The following DCN variants were observed in gnomAD, a reference collection of about 807,000 sequenced individuals.
The protein encoded by DCN is bone proteoglycan II.
A neutral mutation model predicts 36.5 loss-of-function variants in DCN; 17 were observed. The observed-to-expected ratio is 0.47, with a 90% confidence interval of 0.32 to 0.70. The LOEUF (loss-of-function observed/expected upper bound fraction) is 0.70. Among genes scored for constraint, DCN ranks in the 30% least tolerant of loss-of-function variants. The pLI is 0.04. For missense variants in DCN, 389 were observed against 430.1 expected, an observed-to-expected ratio of 0.90 and a Z score of 0.84; for synonymous variants, 163 against 161.4, an observed-to-expected ratio of 1.01 and a Z score of -0.07.
At chr12:91,153,339 C>A in intron 5 of DCN, 150 bp from the exon 6 acceptor site, 1 of 647,658 alleles carries the variant, frequency 1.5e-6, no homozygotes, top group East Asian at 2.8e-5. Flanking sequence ...TTTTTCATCC[C>A]TTTTATAATA....
intron 7 of DCN, among the ~76,000 whole-genome samples, chr12:91,149,960 A>G (rs1409561770): frequency 6.6e-6 from 1 of 152,206 alleles, no homozygotes. Flanking sequence ...GGAAGGCTCA[A>G]TATTATTAAG....
At position 91,168,710 on chromosome 12, in the gene DCN, T is replaced by A. The variant is rs3138203; in HGVS notation, c.212-3993A>T. Among the ~76,000 whole-genome samples, 1,389 of 152,336 alleles carry A rather than the reference T, an allele frequency of 9.1e-3. 24 individuals are homozygous for A. Among genetic ancestry groups the A allele is most frequent in the African/African-American group, 0.032 (1,328 of 41,562 alleles). ...CTCAGAAGTATTAGGATACAACTGG[T>A]TATAATAATTATATTTTTTCCTGTT... is the stretch of plus-strand genomic sequence containing the variant. On this transcript the variant is annotated intron_variant, in intron 2 of 7. Transcript: ENST00000052754.
chr12:91,170,239 A>G (rs2121285477), intron 2 of DCN, among the ~76,000 whole-genome samples: 1 of 152,258 alleles, frequency 6.6e-6, no homozygotes, highest in South Asian at 2.1e-4. Context: ...GATTATTATT[A>G]ATAAGCAAAA....
chr12:91,164,756 G>C, intron 2 of DCN, 39 bp from the exon 3 acceptor site: 1 of 1,004,474 alleles, frequency 1.0e-6, no homozygotes, highest in Non-Finnish European at 1.6e-6. Flanking sequence ...TGAGTAGAAA[G>C]GACATGTGGC....
chr12:91,149,142 G>GA (rs150662094), intron 7 of DCN, among the ~76,000 whole-genome samples: 9,204 of 150,326 alleles, frequency 0.061, 942 homozygotes, highest in African/African-American at 0.21. Flanking sequence ...TTCATCATAA[G>GA]AAAAAAAAAT....
At position 91,142,772 on chromosome 12, in the gene DCN, C is replaced by A. The variant is rs534910644; in HGVS notation, c.*3286G>T. On this transcript the variant is annotated 3_prime_UTR_variant, in exon 8 of 8. Transcript: ENST00000052754. ...CTTTCCAACCAGGAGGGGTCAGAGA[C>A]AAATTTTTAAGTTTCCAACCTTTTA... 13 of 152,156 alleles carry A rather than the reference C, an allele frequency of 8.5e-5. No individual in the cohort carries two copies. Among genetic ancestry groups the A allele is most frequent in the African/African-American group, 2.6e-4 (11 of 41,524 alleles). 9.4% of individuals were successfully genotyped at this position (152,156 alleles called of 1,614,324 possible). A position where few individuals can be genotyped will look rare whatever the true frequency, so the allele number is the denominator to read the frequency against.
intron 3 of DCN, among the ~76,000 whole-genome samples, chr12:91,159,475 A>C (rs946340272): frequency 4.6e-5 from 7 of 151,906 alleles, no homozygotes; most frequent in Non-Finnish European, 7.4e-5. Flanking sequence ...AGATTGCTTG[A>C]TCACCAATAC....
At position 91,164,639 on chromosome 12, in the gene DCN, T is replaced by C; in HGVS notation, c.290A>G (p.Lys97Arg). The change falls in exon 3 of 8, where the codon AAA (lysine) becomes AGA (arginine). Residue 97 changes from lysine (K) to arginine (R), a missense_variant. Transcript: ENST00000052754. Reference sequence around the variant, plus strand: ...CTTCAGGTTCTTAAAGTCTCCATCTTTGATTTCGGTTATTTTGTTGTTTTG... The same window carrying C: ...CTTCAGGTTCTTAAAGTCTCCATCTCTGATTTCGGTTATTTTGTTGTTTTG... ...DLQNNKITEI[K>R]DGDFKNLKNL... The C allele has an allele frequency of 6.2e-7, 1 of 1,611,790 alleles. No individual in the cohort carries two copies. Among genetic ancestry groups the C allele is most frequent in the South Asian group, 1.1e-5 (1 of 91,030 alleles).
chr12:91,149,488 A>G (rs1384475754), intron 7 of DCN, among the ~76,000 whole-genome samples: 1 of 152,222 alleles, frequency 6.6e-6, no homozygotes, highest in Non-Finnish European at 1.5e-5. Context: ...TGTGGCTAAC[A>G]TCGTAACTAA....
intron 2 of DCN, among the ~76,000 whole-genome samples, chr12:91,169,404 A>T (rs1882799186): frequency 6.7e-6 from 1 of 148,344 alleles, no homozygotes; most frequent in East Asian, 2.0e-4. Flanking sequence ...AAAAAAAACC[A>T]AAAAACAGAA....
At chr12:91,170,297 T>A (rs1565786347) in intron 2 of DCN, among the ~76,000 whole-genome samples, 1 of 152,198 alleles carries the variant, frequency 6.6e-6, no homozygotes, top group Non-Finnish European at 1.5e-5. Flanking sequence ...TTCTGATTAT[T>A]CATCTGTAAC....
At chr12:91,168,984 C>T (rs1565785372) in intron 2 of DCN, among the ~76,000 whole-genome samples, 1 of 151,582 alleles carries the variant, frequency 6.6e-6, no homozygotes, top group African/African-American at 2.4e-5. Flanking sequence ...AATGAAGAAA[C>T]AAATCCCCAT....
Position 91,145,976 on chromosome 12 carries a change from C to T in DCN, c.*82G>A. The stretch of plus-strand genomic sequence containing the variant: ...AACATCCACATTGCAGTTAGGTTTC[C>T]AGTATCTAGCTTTTATTTATTTTTT... On this transcript the variant is annotated 3_prime_UTR_variant, in exon 8 of 8. Transcript: ENST00000052754. 8.3e-7 allele frequency: 1 copy of T among 1,206,620 alleles called. No individual in the cohort carries two copies. The highest frequency in any genetic ancestry group is 1.2e-6 in the Non-Finnish European group (1 of 812,252). The allele number at this position is 1,206,620 out of a possible 1,614,324, so 74.7% of individuals were successfully genotyped here.
At chr12:91,154,743 A>C in intron 5 of DCN, among the ~76,000 whole-genome samples, 1 of 152,108 alleles carries the variant, frequency 6.6e-6, no homozygotes, top group Non-Finnish European at 1.5e-5. Context: ...TTAAGATAAA[A>C]TATATTGAGG....
rs901924511 is a variant in DCN, at chr12:91,144,247, A to C, written c.*1811T>G. The C allele has an allele frequency of 2.0e-5, 3 of 152,158 alleles. No individual in the cohort carries two copies. Among genetic ancestry groups the C allele is most frequent in the African/African-American group, 7.2e-5 (3 of 41,428 alleles). 9.4% of individuals were successfully genotyped at this position (152,158 alleles called of 1,614,324 possible). ...GGGTGAATCATTCAAGGTTACAATAAGAAGGGTGAATCGTTAAAGGCTATA... is the reference window on the plus strand; with the variant it reads ...GGGTGAATCATTCAAGGTTACAATACGAAGGGTGAATCGTTAAAGGCTATA... On this transcript the variant is annotated 3_prime_UTR_variant, in exon 8 of 8. Coordinates refer to ENST00000052754, the MANE Select transcript of DCN (RefSeq NM_001920.5).
Position 91,178,352 on chromosome 12 carries a change from A to T in DCN, c.201T>A (p.Cys67Ter). Reference sequence around the variant, plus strand: ...CTGCATCCCACTCACCCAAATCAGAACACTGGACCACTCGAAGATGGCATT... The same window carrying T: ...CTGCATCCCACTCACCCAAATCAGATCACTGGACCACTCGAAGATGGCATT... ...RCQCHLRVVQ[C>*]SDLGLDKVPK... is the part of the protein sequence containing the mutation. The change falls in exon 2 of 8, where the codon TGT (cysteine) becomes TGA (stop). Residue 67 changes from cysteine to a stop codon, truncating the protein, a stop_gained. Transcript: ENST00000052754. LOFTEE classifies it high-confidence loss of function. 1 of 1,613,798 alleles carries T rather than the reference A, an allele frequency of 6.2e-7. No individual in the cohort carries two copies. Among genetic ancestry groups the T allele is most frequent in the Non-Finnish European group, 8.5e-7 (1 of 1,179,870 alleles).
chr12:91,157,532 T>A (rs1179318090), intron 4 of DCN, among the ~76,000 whole-genome samples: 1 of 152,218 alleles, frequency 6.6e-6, no homozygotes, highest in Non-Finnish European at 1.5e-5. Context: ...TTACGTTATT[T>A]ATTATTTTCC....
At chr12:91,157,886 C>G (rs1443381967) in intron 4 of DCN, among the ~76,000 whole-genome samples, 1 of 152,158 alleles carries the variant, frequency 6.6e-6, no homozygotes, top group Admixed American at 6.5e-5. Context: ...CTTCGGCCTC[C>G]CAAAGTGCTG....
At chr12:91,154,068 G>C (rs1881606636) in intron 5 of DCN, among the ~76,000 whole-genome samples, 1 of 152,064 alleles carries the variant, frequency 6.6e-6, no homozygotes, top group Non-Finnish European at 1.5e-5. Flanking sequence ...AAGAACATCT[G>C]ATTGGCAGAA....
Sources: allele counts gnomAD v4.1 joint callset (sites outside exome capture counted in the v4.1 genomes callset), GRCh38; gene constraint gnomAD v4.1.1; transcripts MANE v1.5; gene names NCBI Gene and HGNC (gene_info 2026-07-23, HGNC 2026-07-21).